SPAG16: variants seen among roughly 807,000 people sequenced by gnomAD.
The protein encoded by SPAG16 is sperm associated antigen 16.
SPAG16 carries 86 observed loss-of-function variants against 80.4 expected under a neutral mutation model. The observed-to-expected ratio is 1.07, with a 90% CI of 0.90 to 1.28. The LOEUF (loss-of-function observed/expected upper bound fraction) is 1.28. SPAG16 is among the 50% of genes most tolerant of loss of function. SPAG16 has a pLI of 0.00. For missense variants in SPAG16, 870 were observed against 765.3 expected, an observed-to-expected ratio of 1.14 and a Z score of -1.61; for synonymous variants, 294 against 265.9, an observed-to-expected ratio of 1.11 and a Z score of -1.03.
At chr2:213,488,334 G>A (rs944271110) in intron 9 of SPAG16, among the ~76,000 whole-genome samples, 1 of 152,094 alleles carries the variant, frequency 6.6e-6, no homozygotes, top group Non-Finnish European at 1.5e-5. Context: ...AATTGGTACA[G>A]CTTTTCTAAA....
At chr2:213,904,600 CA>C (rs34952255) in intron 11 of SPAG16, among the ~76,000 whole-genome samples, 27,269 of 89,252 alleles carry the variant, frequency 0.31, 1,633 homozygotes, top group Middle Eastern at 0.36. Context: ...ATAAATTTTG[CA>C]AAAAAAAAAA....
intron 10 of SPAG16, among the ~76,000 whole-genome samples, chr2:213,790,856 T>A (rs2070654143): frequency 1.3e-5 from 2 of 152,114 alleles, no homozygotes; most frequent in Non-Finnish European, 2.9e-5. Context: ...ATGTCTGAAA[T>A]AACTTTCTTC....
At chr2:214,041,974 GTGTGTATATATA>G (rs1271053865) in intron 13 of SPAG16, among the ~76,000 whole-genome samples, 223 of 91,932 alleles carry the variant, frequency 2.4e-3, no homozygotes, top group African/African-American at 0.01. Flanking sequence ...GTGTGTCTGT[GTGTGTATATATA>G]TATATATATA....
chr2:213,779,540 T>C (rs148779160), intron 10 of SPAG16, among the ~76,000 whole-genome samples: 13 of 152,322 alleles, frequency 8.5e-5, no homozygotes, highest in African/African-American at 2.9e-4. Context: ...AAGCAACATC[T>C]GCTTTGTTAA....
chr2:213,711,170 A>G (rs1388508633), intron 10 of SPAG16, among the ~76,000 whole-genome samples: 2 of 152,122 alleles, frequency 1.3e-5, no homozygotes, highest in African/African-American at 4.8e-5. Flanking sequence ...CAGTCATCCA[A>G]CTTATTGCCT....
Position 213,336,677 on chromosome 2 carries a change from G to A in SPAG16, c.537-3486G>A, listed in dbSNP as rs144266929. Among the ~76,000 whole-genome samples the A allele has an allele frequency of 2.6e-5, 4 of 152,286 alleles. No individual in the cohort carries two copies. In the East Asian group the frequency reaches 7.7e-4, roughly 29 times the overall value. On this transcript the variant is annotated intron_variant, in intron 5 of 15. Transcript: ENST00000331683. ...ACTGATCCATTTTTTCTCACTGGGT[G>A]AGGCCTCTCTGTGGGAATTTCAGCA...
chr2:213,387,002 A>G (rs762191826), intron 9 of SPAG16, among the ~76,000 whole-genome samples: 1 of 152,216 alleles, frequency 6.6e-6, no homozygotes, highest in Non-Finnish European at 1.5e-5. Flanking sequence ...AATGATGATT[A>G]TACATGTGAA....
Position 214,321,481 on chromosome 2 carries a change from C to T in SPAG16, c.1721-88659C>T, listed in dbSNP as rs370806011. The stretch of plus-strand genomic sequence containing the variant: ...GTTCTGCCCAGGAACACAAAGTGTG[C>T]GTTCAACCTACACAGTTGAAGGCAG... On this transcript the variant is annotated intron_variant, in intron 15 of 15. Transcript: ENST00000331683. 2.3e-4 allele frequency among the ~76,000 whole-genome samples: 35 copies of T among 152,268 alleles called. No homozygotes were observed. The East Asian group carries it at 4.2e-3, about 18-fold the overall frequency.
chr2:214,293,610 C>T (rs1693945189), intron 15 of SPAG16, among the ~76,000 whole-genome samples: 1 of 152,214 alleles, frequency 6.6e-6, no homozygotes. Flanking sequence ...ACAGCAGTGG[C>T]TGTGTTATGA....
At chr2:214,406,228 G>A (rs544475363) in intron 15 of SPAG16, among the ~76,000 whole-genome samples, 1 of 152,220 alleles carries the variant, frequency 6.6e-6, no homozygotes, top group East Asian at 1.9e-4. Flanking sequence ...GGTGTACACT[G>A]TCAAAATCAA....
Position 214,393,066 on chromosome 2 carries a change from T to C in SPAG16, c.1721-17074T>C, listed in dbSNP as rs79265151. 5.1e-3 allele frequency among the ~76,000 whole-genome samples: 774 copies of C among 152,324 alleles called. 9 individuals are homozygous for C. Among genetic ancestry groups the C allele is most frequent in the African/African-American group, 0.017 (718 of 41,568 alleles). ...GTGGAAGGGTTTAAGGCAGAAGTTATTTTTCACTATAGTTCTATAGAACTT... is the reference window on the plus strand; with the variant it reads ...GTGGAAGGGTTTAAGGCAGAAGTTACTTTTCACTATAGTTCTATAGAACTT... On this transcript the variant is annotated intron_variant, in intron 15 of 15. Coordinates refer to ENST00000331683, the MANE Select transcript of SPAG16 (RefSeq NM_024532.5).
intron 15 of SPAG16, among the ~76,000 whole-genome samples, chr2:214,313,017 A>G (rs1042659524): frequency 2.6e-5 from 4 of 152,146 alleles, no homozygotes; most frequent in Non-Finnish European, 5.9e-5. Flanking sequence ...TAGTATTAAA[A>G]AAATGATGAC....
At chr2:213,413,383 G>T (rs1010944919) in intron 9 of SPAG16, among the ~76,000 whole-genome samples, 1 of 151,896 alleles carries the variant, frequency 6.6e-6, no homozygotes, top group Non-Finnish European at 1.5e-5. Context: ...TCCTACAAAG[G>T]TCATAGTTTT....
chr2:213,491,235 G>A (rs2074221331), intron 10 of SPAG16, among the ~76,000 whole-genome samples: 1 of 152,150 alleles, frequency 6.6e-6, no homozygotes, highest in Non-Finnish European at 1.5e-5. Flanking sequence ...TCATATGCTA[G>A]TCTTTTGATG....
intron 15 of SPAG16, among the ~76,000 whole-genome samples, chr2:214,205,376 A>G (rs2058114710): frequency 1.3e-5 from 2 of 152,186 alleles, no homozygotes; most frequent in Admixed American, 1.3e-4. Flanking sequence ...TTGATAATGT[A>G]TTTTACTTTT....
At chr2:213,363,049 G>A (rs1213662009) in intron 7 of SPAG16, among the ~76,000 whole-genome samples, 17 of 78,948 alleles carry the variant, frequency 2.2e-4, no homozygotes, top group Non-Finnish European at 4.2e-4. Context: ...TATTCTGGAT[G>A]CGATTTTGAA....
chr2:213,355,353 T>C (rs1019615221), intron 7 of SPAG16, among the ~76,000 whole-genome samples: 2 of 139,378 alleles, frequency 1.4e-5, no homozygotes, highest in Admixed American at 7.6e-5. Flanking sequence ...GCAGGCTCTT[T>C]TTTGGTTCCA....
At chr2:214,280,952 A>G (rs954591100) in intron 15 of SPAG16, 108 of 450,962 alleles carry the variant, frequency 2.4e-4, no homozygotes, top group African/African-American at 1.5e-3. Context: ...CTTCTGCATT[A>G]AATTCCTTGC....
At chr2:214,359,648 G>A (rs1479310532) in intron 15 of SPAG16, among the ~76,000 whole-genome samples, 1 of 151,642 alleles carries the variant, frequency 6.6e-6, no homozygotes, top group South Asian at 2.1e-4. Context: ...AAATATCAAA[G>A]GAACATAAAG....
Sources: allele counts gnomAD v4.1 joint callset (sites outside exome capture counted in the v4.1 genomes callset), GRCh38; gene constraint gnomAD v4.1.1; transcripts MANE v1.5; gene names NCBI Gene and HGNC (gene_info 2026-07-23, HGNC 2026-07-21).